SLC26A9: variants seen among roughly 807,000 people sequenced by gnomAD.
SLC26A9 encodes the protein solute carrier family 26 member 9.
In SLC26A9, 46 loss-of-function variants were observed where a neutral mutation model predicts 87.1. The ratio of observed to expected loss-of-function variants is 0.53; its 90% CI spans 0.42 to 0.67. The LOEUF is 0.67. SLC26A9 is among the 30% of genes least tolerant of loss of function. The pLI is 0.00. For missense variants in SLC26A9, 927 were observed against 1,018.3 expected, an observed-to-expected ratio of 0.91 and a Z score of 1.22; for synonymous variants, 437 against 409.1, an observed-to-expected ratio of 1.07 and a Z score of -0.82.
chr1:205,939,491 C>T (rs918293328), intron 1 of SLC26A9, among the ~76,000 whole-genome samples: 7 of 152,230 alleles, frequency 4.6e-5, no homozygotes, highest in African/African-American at 1.7e-4. Flanking sequence ...CAGGAACTGC[C>T]CCAGCTCCTG....
Position 205,928,808 on chromosome 1 carries a change from C to T in SLC26A9, c.953+19G>A. 2 of 1,613,980 alleles carry T rather than the reference C, an allele frequency of 1.2e-6. No individual in the cohort carries two copies. Among genetic ancestry groups the T allele is most frequent in the Non-Finnish European group, 1.7e-6 (2 of 1,179,854 alleles). On this transcript the variant is annotated intron_variant, in intron 8 of 20. Coordinates refer to ENST00000367135, the MANE Select transcript of SLC26A9 (RefSeq NM_052934.4). The stretch of plus-strand genomic sequence containing the variant: ...CATGAGGTGCGGGTGGGCCAGGCTT[C>T]TGGGCCACCTGGACTCACCCGCGTT...
intron 5 of SLC26A9, among the ~76,000 whole-genome samples, chr1:205,931,466 T>TTTTTTTTTTTTTC (rs1659302561): frequency 1.3e-4 from 1 of 7,762 alleles, no homozygotes; most frequent in Non-Finnish European, 2.4e-4. Context: ...CCTAACTTGG[T>TTTTTTTTTTTTTC]TTTTTTTTTT....
intron 12 of SLC26A9, among the ~76,000 whole-genome samples, chr1:205,925,391 A>G (rs1238236030): frequency 2.0e-5 from 3 of 152,310 alleles, no homozygotes; most frequent in Middle Eastern, 3.4e-3. Context: ...AAATTCCTCT[A>G]AAGGAAATAA....
In SLC26A9 at chr1:205,929,754, A is replaced by G. The variant is rs921450074; in HGVS notation, c.717+138T>C. On this transcript the variant is annotated intron_variant, in intron 6 of 20. Transcript: ENST00000367135. ...TGACTTTGACCCTCCCAAGACAGAA[A>G]CCCCCTCAGAATCCTCTCTGAACAA... 3.1e-5 allele frequency: 35 copies of G among 1,140,126 alleles called. No individual in the cohort carries two copies. In the African/African-American group the frequency reaches 4.5e-4, roughly 15 times the overall value. 70.6% of individuals were successfully genotyped at this position (1,140,126 alleles called of 1,614,324 possible).
intron 11 of SLC26A9, 87 bp from the exon 12 acceptor site, chr1:205,926,717 G>A: frequency 1.9e-6 from 2 of 1,052,548 alleles, no homozygotes; most frequent in Non-Finnish European, 2.9e-6. Context: ...GGCCTGGCAG[G>A]ACAGAGACGG....
At position 205,926,630 on chromosome 1, in the gene SLC26A9, A is replaced by T. The variant is rs1418486698; in HGVS notation, c.1294T>A (p.Ser432Thr). 7 of 1,613,696 alleles carry T rather than the reference A, an allele frequency of 4.3e-6. No homozygotes were observed. The highest frequency in any genetic ancestry group is 1.3e-5 in the African/African-American group (1 of 74,890). Residue 432 changes from serine to threonine, a missense_variant and splice_region_variant, in exon 12 of 21, where the codon TCT (serine) becomes ACT (threonine). Transcript: ENST00000367135. ...ACAGCGATCAGGGCTCCTAGCACAG[A>T]CTAGAGAAGCAGAACATTGCTCCAG... ...LGIYLYPLPK[S>T]VLGALIAVNL... is the part of the protein sequence containing the mutation.
At chr1:205,935,959 AG>A (rs1659494200) in intron 1 of SLC26A9, 121 bp from the exon 2 acceptor site, 2 of 1,218,636 alleles carry the variant, frequency 1.6e-6, no homozygotes, top group African/African-American at 3.1e-5. Flanking sequence ...GCCCCGATAA[AG>A]CAAGGTGCCT....
chr1:205,938,800 C>A (rs539430775), intron 1 of SLC26A9, among the ~76,000 whole-genome samples: 1 of 152,204 alleles, frequency 6.6e-6, no homozygotes, highest in Non-Finnish European at 1.5e-5. Flanking sequence ...TCTCTTTCTC[C>A]CAGGATCTCC....
At position 205,932,978 on chromosome 1, in the gene SLC26A9, C is replaced by T. The variant is rs1386608937; in HGVS notation, c.232G>A (p.Gly78Arg). The change falls in exon 3 of 21, where the codon GGA becomes AGA. Residue 78 changes from glycine (G) to arginine (R), a missense_variant. Transcript: ENST00000367135. ...KDYIIPDLLG[G>R]LSGGSIQVPQ... ...ACCTGGATGGATCCCCCGCTGAGTC[C>T]ACCGAGCAGGTCAGGAATGATGTAG... 2.5e-6 allele frequency: 4 copies of T among 1,614,102 alleles called. No homozygotes were observed. The South Asian group carries it at 4.4e-5, about 18-fold the overall frequency.
At chr1:205,927,155 G>A (rs1659104172) in intron 11 of SLC26A9, 56 bp downstream of exon 11, 2 of 1,582,528 alleles carry the variant, frequency 1.3e-6, no homozygotes, top group East Asian at 4.5e-5. Context: ...ACAACTCTCA[G>A]GGATTGTTCT....
chr1:205,926,737 A>T (rs1659087099), intron 11 of SLC26A9, 107 bp from the exon 12 acceptor site: 1 of 876,958 alleles, frequency 1.1e-6, no homozygotes, highest in African/African-American at 1.6e-5. Context: ...GAGTTCTGGA[A>T]CACCTCCCCT....
At chr1:205,922,834 G>T (rs1235801849) in intron 16 of SLC26A9, among the ~76,000 whole-genome samples, 2 of 152,212 alleles carry the variant, frequency 1.3e-5, no homozygotes, top group African/African-American at 2.4e-5. Context: ...CAGAGGTGGA[G>T]GTTGCAGTGA....
At chr1:205,919,209 G>A (rs1004765083) in intron 18 of SLC26A9, among the ~76,000 whole-genome samples, 6 of 152,336 alleles carry the variant, frequency 3.9e-5, no homozygotes, top group Middle Eastern at 6.8e-3. Context: ...GAAGGAAGCA[G>A]TTTGATTTAG....
At position 205,937,243 on chromosome 1, in the gene SLC26A9, C is replaced by T. The variant is rs559765497; in HGVS notation, c.-18-1405G>A. 3.9e-5 allele frequency among the ~76,000 whole-genome samples: 6 copies of T among 152,280 alleles called. No homozygotes were observed. The East Asian group carries it at 5.8e-4, about 15-fold the overall frequency. ...CCGGCAAGACCCCACAGGTGATACC[C>T]AGCAGAAGCGAAGGTGGGAGAATGA... is the stretch of plus-strand genomic sequence containing the variant. On this transcript the variant is annotated intron_variant, in intron 1 of 20. Transcript: ENST00000367135.
intron 2 of SLC26A9, 67 bp from the exon 3 acceptor site, chr1:205,933,151 A>C (rs1659377006): frequency 6.3e-7 from 1 of 1,595,194 alleles, no homozygotes; most frequent in Non-Finnish European, 8.6e-7. Flanking sequence ...TTGGAGAGGG[A>C]TTATCATATC....
At chr1:205,924,827 C>T (rs574466891) in intron 12 of SLC26A9, 33 of 246,130 alleles carry the variant, frequency 1.3e-4, no homozygotes, top group Non-Finnish European at 2.6e-4. Flanking sequence ...GTCACAGGGT[C>T]TTGCTCTGTT....
intron 2 of SLC26A9, 42 bp from the exon 3 acceptor site, chr1:205,933,126 C>CT (rs1659375526): frequency 1.2e-6 from 2 of 1,612,536 alleles, no homozygotes; most frequent in African/African-American, 2.7e-5. Context: ...CTCTGCATGG[C>CT]TTGGACATTC....
In SLC26A9 at chr1:205,915,184, C is replaced by T. The variant is rs888870379; in HGVS notation, c.*173G>A. 1 of 1,611,306 alleles carries T rather than the reference C, an allele frequency of 6.2e-7. No homozygotes were observed. The highest frequency in any genetic ancestry group is 2.2e-5 in the East Asian group (1 of 44,802). ...CCCCCCTGCTGCTGAGAGGCTCTCTCTGGAGATGCGGGGAGGGAAGGAAGG... is the reference window on the plus strand; with the variant it reads ...CCCCCCTGCTGCTGAGAGGCTCTCTTTGGAGATGCGGGGAGGGAAGGAAGG... On this transcript the variant is annotated 3_prime_UTR_variant, in exon 21 of 21. Coordinates refer to ENST00000367135, the MANE Select transcript of SLC26A9 (RefSeq NM_052934.4).
At chr1:205,928,118 A>G (rs1339954297) in intron 8 of SLC26A9, 69 bp from the exon 9 acceptor site, 1 of 1,552,682 alleles carries the variant, frequency 6.4e-7, no homozygotes. Context: ...GTCCTTCACC[A>G]GCCCACAGGG....
Sources: allele counts gnomAD v4.1 joint callset (sites outside exome capture counted in the v4.1 genomes callset), GRCh38; gene constraint gnomAD v4.1.1; transcripts MANE v1.5; gene names NCBI Gene and HGNC (gene_info 2026-07-23, HGNC 2026-07-21).